Variants in ERBIN observed in about 807,000 individuals in gnomAD.
The protein encoded by ERBIN is erbb2 interacting protein.
A neutral mutation model predicts 158.4 loss-of-function variants in ERBIN; 60 were observed. That is an observed-to-expected ratio of 0.38 (90% CI 0.31 to 0.47). The LOEUF (loss-of-function observed/expected upper bound fraction) is 0.47, where lower values mean the gene tolerates loss of function less well. Among genes scored for constraint, ERBIN ranks in the 20% least tolerant of loss-of-function variants. ERBIN has a pLI of 0.99. For synonymous variants in ERBIN, 594 were observed against 557.2 expected, an observed-to-expected ratio of 1.07 and a Z score of -0.93; for missense variants, 1,610 against 1,648.0, an observed-to-expected ratio of 0.98 and a Z score of 0.40.
chr5:66,028,768 AC>A (rs556739154), intron 14 of ERBIN, among the ~76,000 whole-genome samples: 126 of 152,104 alleles, frequency 8.3e-4, no homozygotes, highest in African/African-American at 3.0e-3. Flanking sequence ...TAAATTTTGT[AC>A]CCTTTGACCA....
At chr5:66,014,854 A>G in intron 7 of ERBIN, 129 bp downstream of exon 7, 2 of 503,442 alleles carry the variant, frequency 4.0e-6, no homozygotes, top group Non-Finnish European at 7.0e-6. Flanking sequence ...TGTGGTCATC[A>G]TATTTAATTA....
chr5:66,054,696 C>A lies in ERBIN; in HGVS notation c.3378C>A (p.Pro1126=), dbSNP rs1302213757. Residue 1126 remains proline (P), a synonymous_variant, in exon 21 of 26, where the codon CCC becomes CCA. Coordinates refer to ENST00000284037, the MANE Select transcript of ERBIN (RefSeq NM_001253697.2). ...TPPMMPGSQR[P]LSARTYSIDG... ...CAATGATGCCAGGATCACAGAGACC[C>A]CTTTCTGCACGAACATACAGCATAG... The A allele has an allele frequency of 1.2e-6, 2 of 1,613,934 alleles. No homozygotes were observed. The highest frequency in any genetic ancestry group is 2.2e-5 in the South Asian group (2 of 91,080).
chr5:65,957,581 T>A (rs1580152557), intron 1 of ERBIN, among the ~76,000 whole-genome samples: 2 of 152,346 alleles, frequency 1.3e-5, no homozygotes, highest in East Asian at 3.9e-4. Context: ...TTTTTCTTAG[T>A]ACAGAACAAA....
intron 21 of ERBIN, among the ~76,000 whole-genome samples, chr5:66,070,147 C>T (rs1311109023): frequency 1.3e-5 from 2 of 152,182 alleles, no homozygotes; most frequent in Non-Finnish European, 1.5e-5. Flanking sequence ...CGAGTTCAAG[C>T]GATTCTCCTG....
intron 1 of ERBIN, among the ~76,000 whole-genome samples, chr5:65,944,224 TTA>T (rs369953824): frequency 0.18 from 4,188 of 23,606 alleles, 210 homozygotes; most frequent in African/African-American, 0.33. Context: ...TTTTTTTTTT[TTA>T]AGGAACCACC....
intron 1 of ERBIN, among the ~76,000 whole-genome samples, chr5:65,964,931 T>TGTGTGG (rs1748377631): frequency 7.2e-6 from 1 of 139,810 alleles, no homozygotes; most frequent in African/African-American, 2.8e-5. Context: ...TGTGTGTGTG[T>TGTGTGG]GTGTGTGTGT....
At chr5:66,049,688 C>T (rs1758821801) in intron 19 of ERBIN, among the ~76,000 whole-genome samples, 3 of 152,044 alleles carry the variant, frequency 2.0e-5, no homozygotes, top group Admixed American at 1.3e-4. Flanking sequence ...AGCTGTGCTC[C>T]TAAGATCTCA....
At chr5:65,980,773 AG>A (rs1488263045) in intron 1 of ERBIN, among the ~76,000 whole-genome samples, 1 of 152,198 alleles carries the variant, frequency 6.6e-6, no homozygotes, top group Admixed American at 6.5e-5. Context: ...AGAAGATATG[AG>A]CCCTAAATAT....
At chr5:65,937,932 T>C (rs943065516) in intron 1 of ERBIN, among the ~76,000 whole-genome samples, 2 of 151,964 alleles carry the variant, frequency 1.3e-5, no homozygotes, top group African/African-American at 4.8e-5. Context: ...TAATAATTCT[T>C]GGTGGTATGT....
intron 1 of ERBIN, chr5:65,961,318 GACTT>G (rs1330041367): frequency 6.6e-6 from 1 of 152,176 alleles, no homozygotes; most frequent in African/African-American, 2.4e-5. Context: ...GATAAAATGT[GACTT>G]ACGCTGAACT....
chr5:65,968,923 C>T (rs759828398), intron 1 of ERBIN, among the ~76,000 whole-genome samples: 4 of 152,154 alleles, frequency 2.6e-5, no homozygotes, highest in East Asian at 1.9e-4. Flanking sequence ...AGTAGATGAA[C>T]GAAGCAACTA....
chr5:65,981,776 A>G (rs1251182216), intron 1 of ERBIN, among the ~76,000 whole-genome samples: 1 of 152,178 alleles, frequency 6.6e-6, no homozygotes, highest in Non-Finnish European at 1.5e-5. Context: ...CTTTTATCTC[A>G]GGCTTCTTTG....
Position 66,044,202 on chromosome 5 carries a change from T to G in ERBIN, c.1494T>G (p.Val498=). Residue 498 remains valine (V), a synonymous_variant, in exon 17 of 26, where the codon GTT becomes GTG. Transcript: ENST00000284037. The part of the protein sequence containing the change: ...PDELKNMVKT[V]QTIVHRLKDE... ...AGCTTAAGAATATGGTCAAAACTGT[T>G]CAAACCATTGTACATAGATTAAAAG... 2 of 1,610,362 alleles carry G rather than the reference T, an allele frequency of 1.2e-6. No homozygotes were observed. Among genetic ancestry groups the G allele is most frequent in the Non-Finnish European group, 1.7e-6 (2 of 1,178,596 alleles).
At position 66,041,898 on chromosome 5, in the gene ERBIN, C is replaced by T. The variant is rs537282345; in HGVS notation, c.1307-1179C>T. Among the ~76,000 whole-genome samples the T allele has an allele frequency of 1.6e-4, 25 of 151,744 alleles. No individual in the cohort carries two copies. The South Asian group carries it at 2.9e-3, about 18-fold the overall frequency. On this transcript the variant is annotated intron_variant, in intron 15 of 25. Transcript: ENST00000284037. ...AACAAATACACTACTTCATTGAGTA[C>T]GTGTTAAGCAATTTAAAAAAGCAAT...
At chr5:65,965,732 G>C (rs137991804) in intron 1 of ERBIN, among the ~76,000 whole-genome samples, 2 of 152,072 alleles carry the variant, frequency 1.3e-5, no homozygotes, top group African/African-American at 4.8e-5. Context: ...GATTTCTCTC[G>C]TTCACTCTGT....
chr5:66,043,282 A>T (rs1758097053), intron 16 of ERBIN, 84 bp downstream of exon 16: 1 of 1,361,028 alleles, frequency 7.3e-7, no homozygotes. Flanking sequence ...ATGTCTGGGG[A>T]TATAACAAAG....
chr5:65,962,714 G>A (rs924660280), intron 1 of ERBIN, among the ~76,000 whole-genome samples: 18 of 152,182 alleles, frequency 1.2e-4, no homozygotes, highest in Non-Finnish European at 1.2e-4. Context: ...AGATAAACAA[G>A]TAATACTTGA....
At chr5:66,012,351 A>C (rs1200613235) in intron 5 of ERBIN, among the ~76,000 whole-genome samples, 1 of 152,206 alleles carries the variant, frequency 6.6e-6, no homozygotes, top group African/African-American at 2.4e-5. Flanking sequence ...TTTTGCTCCA[A>C]GTCTCACAGA....
chr5:66,060,095 A>T (rs1368508325), intron 21 of ERBIN, among the ~76,000 whole-genome samples: 1 of 152,220 alleles, frequency 6.6e-6, no homozygotes, highest in Non-Finnish European at 1.5e-5. Context: ...GTTGACTGGA[A>T]TAGTTTCAGA....
Sources: allele counts gnomAD v4.1 joint callset (sites outside exome capture counted in the v4.1 genomes callset), GRCh38; gene constraint gnomAD v4.1.1; transcripts MANE v1.5; gene names NCBI Gene and HGNC (gene_info 2026-07-23, HGNC 2026-07-21).